Variants in TBCD observed in about 807,000 individuals in gnomAD.
The protein encoded by TBCD is tubulin folding cofactor D.
In TBCD, 105 loss-of-function variants were observed where a neutral mutation model predicts 169.3. The ratio of observed to expected loss-of-function variants is 0.62; its 90% CI spans 0.53 to 0.73. TBCD has a LOEUF of 0.73. TBCD is among the 30% of genes least tolerant of loss of function. The pLI is 0.00. For synonymous variants in TBCD, 700 were observed against 643.9 expected (o/e 1.09, Z -1.32); for missense variants, 1,444 against 1,600.1 (o/e 0.90, Z 1.66).
Position 82,875,611 on chromosome 17 carries a change from GAGGATCCGCCGAGGCCTGC to G in TBCD, c.1475+5234_1475+5252del, listed in dbSNP as rs879687700. 1.5e-4 allele frequency among the ~76,000 whole-genome samples: 23 copies of G among 152,338 alleles called. 1 individual carries two copies. In the South Asian group the frequency reaches 1.9e-3, roughly 12 times the overall value. ...AACCTGCTGAGCGGCGCGGCCCAGG[GAGGATCCGCCGAGGCCTGC>G]AGATCCGAGATCTCTTCCTCGGGGG... On this transcript the variant is annotated intron_variant, in intron 14 of 38. Coordinates refer to ENST00000355528, the MANE Select transcript of TBCD (RefSeq NM_005993.5).
intron 12 of TBCD, among the ~76,000 whole-genome samples, chr17:82,812,965 T>C (rs1363417673): frequency 1.3e-5 from 2 of 152,128 alleles, no homozygotes; most frequent in Non-Finnish European, 2.9e-5. Flanking sequence ...ACTATAGGTG[T>C]GCAGCACCAC....
intron 12 of TBCD, among the ~76,000 whole-genome samples, chr17:82,810,150 G>A (rs1041421134): frequency 6.6e-6 from 1 of 152,180 alleles, no homozygotes; most frequent in African/African-American, 2.4e-5. Flanking sequence ...AGACCTTGAA[G>A]TGAGGCTGGT....
At position 82,782,353 on chromosome 17, in the gene TBCD, G is replaced by C. The variant is rs981992122; in HGVS notation, c.771+632G>C. On this transcript the variant is annotated intron_variant, in intron 7 of 38. Transcript: ENST00000355528. This position sits in a 1 kb window ranked among gnomAD's most constrained non-coding sequence, Gnocchi z 5.1. Reference sequence around the variant, plus strand: ...GCTCCCTGGTCAGCCTTCTGGAGGGGGAGCCGGCAGCCGGCTGTGGCCTTT... The same window carrying C: ...GCTCCCTGGTCAGCCTTCTGGAGGGCGAGCCGGCAGCCGGCTGTGGCCTTT... Among the ~76,000 whole-genome samples the C allele has an allele frequency of 3.3e-5, 5 of 152,228 alleles. No homozygotes were observed. Among genetic ancestry groups the C allele is most frequent in the African/African-American group, 1.2e-4 (5 of 41,454 alleles).
At chr17:82,773,372 C>T (rs1232481892) in intron 6 of TBCD, among the ~76,000 whole-genome samples, 1 of 152,194 alleles carries the variant, frequency 6.6e-6, no homozygotes, top group African/African-American at 2.4e-5. Flanking sequence ...CCTGAGTCCC[C>T]TGGAGCAGGT....
chr17:82,868,586 C>T (rs960166946), intron 13 of TBCD, among the ~76,000 whole-genome samples: 4 of 152,140 alleles, frequency 2.6e-5, no homozygotes, highest in Non-Finnish European at 5.9e-5. Context: ...AAAGTAATCA[C>T]CATATGTATA....
chr17:82,771,661 C>T (rs113610377), intron 5 of TBCD, among the ~76,000 whole-genome samples: 11,703 of 152,156 alleles, frequency 0.077, 1,159 homozygotes, highest in African/African-American at 0.23. Context: ...TCAGGTGATC[C>T]GCCTGCCCCA....
intron 15 of TBCD, among the ~76,000 whole-genome samples, chr17:82,887,168 T>TGTGTGTGTGTGTGTGTGTGCGCGCGCGC: frequency 7.9e-5 from 10 of 126,194 alleles, no homozygotes; most frequent in Admixed American, 2.2e-4. Flanking sequence ...TGTGTGTGTG[T>TGTGTGTGTGTGTGTGTGTGCGCGCGCGC]GCGCGCGCGC....
chr17:82,920,606 G>C lies in TBCD; in HGVS notation c.2089G>C (p.Asp697His). 1.3e-6 allele frequency: 2 copies of C among 1,550,568 alleles called. No individual in the cohort carries two copies. Among genetic ancestry groups the C allele is most frequent in the Non-Finnish European group, 1.7e-6 (2 of 1,147,504 alleles). ...LSLSKMPFRG[D>H]TVIDGWQWLI... Reference sequence around the variant, plus strand: ...ACTTTCCAAAATGCCCTTTAGAGGTGACACCGTAATTGGTAAGTGCTTTTG... The same window carrying C: ...ACTTTCCAAAATGCCCTTTAGAGGTCACACCGTAATTGGTAAGTGCTTTTG... The change falls in exon 24 of 39, where the codon GAC becomes CAC. Residue 697 changes from aspartate to histidine, a missense_variant. Physicochemically the swap from Asp to His is moderately conservative, Grantham distance 81. Coordinates refer to ENST00000355528, the MANE Select transcript of TBCD (RefSeq NM_005993.5). The surrounding 1 kb of genome is among the most constrained non-coding windows in gnomAD (Gnocchi z 4.1).
chr17:82,768,007 CAAAGTGTTGG>C (rs1469908011), intron 4 of TBCD, among the ~76,000 whole-genome samples: 1 of 151,638 alleles, frequency 6.6e-6, no homozygotes, highest in East Asian at 1.9e-4. Context: ...CTCGGCCTCC[CAAAGTGTTGG>C]GATTACAGGT....
rs2053715665 is a variant in TBCD at position 82,833,766 on chromosome 17, G to A, written c.1318+18832G>A. On this transcript the variant is annotated intron_variant, in intron 13 of 38. Coordinates refer to ENST00000355528, the MANE Select transcript of TBCD (RefSeq NM_005993.5). This position sits in a 1 kb window ranked among gnomAD's most constrained non-coding sequence, Gnocchi z 4.7. ...AAGCTGTCCTGGCCCTTAACCTTTA[G>A]GGAGTGGGTTCAGCCCTCTGGCCAC... 6.6e-6 allele frequency among the ~76,000 whole-genome samples: 1 copy of A among 152,162 alleles called. No individual in the cohort carries two copies. The highest frequency in any genetic ancestry group is 2.1e-4 in the South Asian group (1 of 4,828).
chr17:82,919,590 G>A (rs147094397), intron 23 of TBCD, among the ~76,000 whole-genome samples: 4 of 152,234 alleles, frequency 2.6e-5, no homozygotes, highest in East Asian at 1.9e-4. Context: ...GGCCGTGGAC[G>A]GTGAGGGTGC....
intron 13 of TBCD, among the ~76,000 whole-genome samples, chr17:82,851,719 T>C (rs2055805122): frequency 6.6e-6 from 1 of 152,188 alleles, no homozygotes; most frequent in African/African-American, 2.4e-5. Flanking sequence ...AGAGGGCTGA[T>C]GGGACCAATA....
chr17:82,887,385 A>T (rs927156556), intron 15 of TBCD, among the ~76,000 whole-genome samples: 1 of 152,004 alleles, frequency 6.6e-6, no homozygotes, highest in South Asian at 2.1e-4. Context: ...CATCTCGAGA[A>T]TGCTGTGTAA....
intron 20 of TBCD, among the ~76,000 whole-genome samples, chr17:82,907,293 CCTGT>C (rs1653786814): frequency 6.6e-6 from 1 of 152,216 alleles, no homozygotes; most frequent in African/African-American, 2.4e-5. Context: ...CTCACCTGGA[CCTGT>C]CTGTTTTCCA....
chr17:82,777,812 T>G (rs1477009639), intron 6 of TBCD, among the ~76,000 whole-genome samples: 3 of 151,356 alleles, frequency 2.0e-5, no homozygotes, highest in African/African-American at 4.9e-5. Context: ...CCACAGGAGG[T>G]GGAGGAGTAG....
At chr17:82,757,652 T>A (rs1188069678) in intron 2 of TBCD, among the ~76,000 whole-genome samples, 1 of 151,650 alleles carries the variant, frequency 6.6e-6, no homozygotes, top group Non-Finnish European at 1.5e-5. Flanking sequence ...AAAAACCCTC[T>A]AAATTCGGGA....
rs111709658 is a variant in TBCD, at chr17:82,763,569, C to T, written c.236-396C>T. Among the ~76,000 whole-genome samples, 136 of 151,986 alleles carry T rather than the reference C, an allele frequency of 8.9e-4. 2 individuals carry two copies. The Middle Eastern group carries it at 0.01, about 11-fold the overall frequency. On this transcript the variant is annotated intron_variant, in intron 2 of 38. Transcript: ENST00000355528. Reference sequence around the variant, plus strand: ...CAGCCTGGCCAACATGGTGAAACCCCGTCTCTACTAAAAATACAAAAATTA... The same window carrying T: ...CAGCCTGGCCAACATGGTGAAACCCTGTCTCTACTAAAAATACAAAAATTA...
intron 34 of TBCD, among the ~76,000 whole-genome samples, chr17:82,933,624 TTTG>T (rs1668040395): frequency 6.6e-6 from 1 of 151,234 alleles, no homozygotes. Context: ...CTGCTTTTTT[TTTG>T]TTTGTTTTGA....
chr17:82,763,698 G>A (rs1037393362), intron 2 of TBCD, among the ~76,000 whole-genome samples: 3 of 151,932 alleles, frequency 2.0e-5, no homozygotes, highest in Admixed American at 6.6e-5. Context: ...CTGAGATCAC[G>A]CCACTGCACT....
Sources: gnomAD v4.1 joint callset for allele counts (sites outside exome capture counted in the v4.1 genomes callset) on GRCh38, gnomAD v4.1.1 for gene constraint, Gnocchi (gnomAD v3.1) non-coding constraint, MANE v1.5 for transcripts, NCBI Gene and HGNC (gene_info 2026-07-23, HGNC 2026-07-21) for gene names.